Variants in SERPINA3 observed in about 807,000 individuals in gnomAD.
SERPINA3 encodes the protein alpha-1-antichymotrypsin.
SERPINA3 carries 32 observed loss-of-function variants against 26.8 expected under a neutral mutation model. The ratio of observed to expected loss-of-function variants is 1.20; its 90% CI spans 0.90 to 1.61. SERPINA3 has a LOEUF of 1.61. Ranked by LOEUF, SERPINA3 falls within the 40% of genes most tolerant of loss-of-function variation. The pLI is 0.00. For synonymous variants in SERPINA3, 252 were observed against 206.4 expected (o/e 1.22, Z -1.89); for missense variants, 632 against 517.9 (o/e 1.22, Z -2.14).
At chr14:94,622,557 G>T (rs80150124) in intron 4 of SERPINA3, 66 bp downstream of exon 4, 38,365 of 1,566,552 alleles carry the variant, frequency 0.024, 1,023 homozygotes, top group East Asian at 0.17. Flanking sequence ...AGGCCAGATG[G>T]ACTTTTGGGT....
At chr14:94,614,276 G>A (rs1885892371) in intron 1 of SERPINA3, 158 bp from the exon 2 acceptor site, 2 of 669,714 alleles carry the variant, frequency 3.0e-6, no homozygotes, top group South Asian at 3.4e-5. Context: ...GCAGAGTGAT[G>A]TGTGTCGGGT....
rs1555386065 is a variant in SERPINA3 at position 94,614,854 on chromosome 14, G to A, written c.413G>A (p.Gly138Glu). The A allele has an allele frequency of 2.5e-6, 4 of 1,614,190 alleles. No individual in the cohort carries two copies. The Admixed American group carries it at 5.0e-5, about 20-fold the overall frequency. Residue 138 changes from glycine to glutamate, a missense_variant, in exon 2 of 5, where the codon GGA (glycine) becomes GAA (glutamate). Physicochemically the swap from Gly to Glu is moderately conservative, Grantham distance 98. Coordinates refer to ENST00000393078, the MANE Select transcript of SERPINA3 (RefSeq NM_001085.5). The stretch of plus-strand genomic sequence containing the variant: ...AGCGATGAGCTGCAGCTGAGTATGG[G>A]AAATGCCATGTTTGTCAAAGAGCAA... The part of the protein sequence containing the change: ...QSSDELQLSM[G>E]NAMFVKEQLS...
intron 2 of SERPINA3, chr14:94,618,414 C>G (rs1006886124): frequency 6.6e-6 from 1 of 152,312 alleles, no homozygotes; most frequent in Non-Finnish European, 1.5e-5. Context: ...CCTAGGCAGC[C>G]TCAGAGTCAG....
chr14:94,620,930 C>A (rs749537177), intron 3 of SERPINA3, among the ~76,000 whole-genome samples: 4 of 152,174 alleles, frequency 2.6e-5, no homozygotes, highest in Non-Finnish European at 5.9e-5. Flanking sequence ...CAGGTCGCTG[C>A]TCTTCTCTGG....
At chr14:94,622,255 A>G in intron 3 of SERPINA3, 86 bp from the exon 4 acceptor site, 1 of 1,291,536 alleles carries the variant, frequency 7.7e-7, no homozygotes, top group Admixed American at 1.7e-5. Context: ...CTGTAGAGGA[A>G]ACCAGGGAAG....
At position 94,614,931 on chromosome 14, in the gene SERPINA3, G is replaced by A. The variant is rs754963974; in HGVS notation, c.490G>A (p.Glu164Lys). 39 of 1,613,466 alleles carry A rather than the reference G, an allele frequency of 2.4e-5. No homozygotes were observed. Among genetic ancestry groups the A allele is most frequent in the Middle Eastern group, 1.6e-4 (1 of 6,080 alleles). The change falls in exon 2 of 5, where the codon GAG becomes AAG. Residue 164 changes from glutamate (E) to lysine (K), a missense_variant. Physicochemically the swap from Glu to Lys is moderately conservative, Grantham distance 56 (BLOSUM62 1). Coordinates refer to ENST00000393078, the MANE Select transcript of SERPINA3 (RefSeq NM_001085.5). Reference protein sequence around the residue: ...TEDAKRLYGSEAFATDFQDSA... With the variant: ...TEDAKRLYGSKAFATDFQDSA... ...GGATGCCAAGAGGCTGTATGGCTCC[G>A]AGGCCTTTGCCACTGACTTTCAGGA...
chr14:94,613,168 C>T (rs1447998511), intron 1 of SERPINA3, among the ~76,000 whole-genome samples: 6 of 148,154 alleles, frequency 4.0e-5, no homozygotes, highest in Non-Finnish European at 5.9e-5. Context: ...TCCCCTCCTT[C>T]CCCTCCTTCC....
Position 94,614,948 on chromosome 14 carries a change from CT to C in SERPINA3, c.510del (p.Gln171ArgfsTer14), listed in dbSNP as rs775799567. On this transcript the variant is annotated frameshift_variant, in exon 2 of 5. Transcript: ENST00000393078. LOFTEE classifies it high-confidence loss of function. ...ATGGCTCCGAGGCCTTTGCCACTGACTTTCAGGACTCAGCTGCAGCTAAGAA... is the reference window on the plus strand; with the variant it reads ...ATGGCTCCGAGGCCTTTGCCACTGACTTCAGGACTCAGCTGCAGCTAAGAA... ...LYGSEAFATD[F>X]QDSAAAKKLI... 6.2e-7 allele frequency: 1 copy of C among 1,613,164 alleles called. No homozygotes were observed. Among genetic ancestry groups the C allele is most frequent in the Non-Finnish European group, 8.5e-7 (1 of 1,179,200 alleles).
chr14:94,620,047 A>G (rs1886144043), intron 3 of SERPINA3: 2 of 266,038 alleles, frequency 7.5e-6, no homozygotes, highest in South Asian at 2.9e-4. Context: ...GTGATATATT[A>G]GAAGGTGAGA....
chr14:94,619,416 G>A lies in SERPINA3; in HGVS notation c.865G>A (p.Ala289Thr). Residue 289 changes from alanine to threonine, a missense_variant, in exon 3 of 5, where the codon GCC becomes ACC. Ala to Thr is a moderately conservative substitution (Grantham distance 58, BLOSUM62 0). Transcript: ENST00000393078. ...TCAAGACAAGATGGAGGAAGTGGAA[G>A]CCATGCTGCTCCCAGAGACCCTGAA... is the stretch of plus-strand genomic sequence containing the variant. ...PDQDKMEEVE[A>T]MLLPETLKRW... 3.7e-6 allele frequency: 6 copies of A among 1,614,200 alleles called. No homozygotes were observed. The highest frequency in any genetic ancestry group is 5.1e-6 in the Non-Finnish European group (6 of 1,180,034).
At chr14:94,622,549 G>A in intron 4 of SERPINA3, 58 bp downstream of exon 4, 1 of 1,589,462 alleles carries the variant, frequency 6.3e-7, no homozygotes, top group Non-Finnish European at 8.6e-7. Flanking sequence ...ATTGGTGAAG[G>A]CCAGATGGAC....
At position 94,622,355 on chromosome 14, in the gene SERPINA3, T is replaced by A; in HGVS notation, c.932T>A (p.Leu311His). The A allele has an allele frequency of 6.2e-7, 1 of 1,613,956 alleles. No individual in the cohort carries two copies. The highest frequency in any genetic ancestry group is 8.5e-7 in the Non-Finnish European group (1 of 1,179,990). Residue 311 changes from leucine to histidine, a missense_variant, in exon 4 of 5, where the codon CTC (leucine) becomes CAC (histidine). Coordinates refer to ENST00000393078, the MANE Select transcript of SERPINA3 (RefSeq NM_001085.5). ...DSLEFREIGE[L>H]YLPKFSISRD... is the part of the protein sequence containing the mutation. The stretch of plus-strand genomic sequence containing the variant: ...TCGTTTTCTAGAGAGATAGGTGAGC[T>A]CTACCTGCCAAAGTTTTCCATCTCG...
At chr14:94,623,377 C>T (rs557443270) in intron 4 of SERPINA3, among the ~76,000 whole-genome samples, 1 of 152,292 alleles carries the variant, frequency 6.6e-6, no homozygotes, top group South Asian at 2.1e-4. Flanking sequence ...TTCTTTACCT[C>T]GATGGCTCTG....
In SERPINA3 at chr14:94,622,760, C is replaced by T. The variant is rs1483574520; in HGVS notation, c.1068+269C>T. On this transcript the variant is annotated intron_variant, in intron 4 of 4. Transcript: ENST00000393078. The stretch of plus-strand genomic sequence containing the variant: ...ACACCATTCCACACTATACCATTTA[C>T]TATCCATGGGGGCAAACAATTAAAG... 4 of 508,880 alleles carry T rather than the reference C, an allele frequency of 7.9e-6. No homozygotes were observed. In the Admixed American group the frequency reaches 1.3e-4, roughly 16 times the overall value. The allele number at this position is 508,880 out of a possible 1,614,324, so 31.5% of individuals were successfully genotyped here. A position where few individuals can be genotyped will look rare whatever the true frequency, so the allele number is the denominator to read the frequency against.
chr14:94,612,781 A>G (rs1885832331), intron 1 of SERPINA3, among the ~76,000 whole-genome samples: 1 of 152,174 alleles, frequency 6.6e-6, no homozygotes, highest in African/African-American at 2.4e-5. Flanking sequence ...TGCCTGGAGC[A>G]GGGTGCAGCT....
At position 94,614,780 on chromosome 14, in the gene SERPINA3, A is replaced by G. The variant is rs747046598; in HGVS notation, c.339A>G (p.Ala113=). The G allele has an allele frequency of 1.9e-6, 3 of 1,614,228 alleles. No homozygotes were observed. Among genetic ancestry groups the G allele is most frequent in the East Asian group, 2.2e-5 (1 of 44,882 alleles). The part of the protein sequence containing the change: ...LKFNLTETSE[A]EIHQSFQHLL... ...TCAACCTCACGGAGACTTCTGAGGC[A>G]GAAATTCACCAGAGCTTCCAGCACC... The change falls in exon 2 of 5, where the codon GCA becomes GCG. Residue 113 remains alanine (A), a synonymous_variant. Coordinates refer to ENST00000393078, the MANE Select transcript of SERPINA3 (RefSeq NM_001085.5).
In SERPINA3 at chr14:94,614,616, A is replaced by G. The variant is rs200348449; in HGVS notation, c.175A>G (p.Ser59Gly). 5 of 1,614,138 alleles carry G rather than the reference A, an allele frequency of 3.1e-6. No homozygotes were observed. In the African/African-American group the frequency reaches 6.7e-5, roughly 22 times the overall value. ...CTCCGCCAACGTGGACTTCGCTTTC[A>G]GCCTGTACAAGCAGTTAGTCCTGAA... ...LASANVDFAF[S>G]LYKQLVLKAP... The change falls in exon 2 of 5, where the codon AGC becomes GGC. Residue 59 changes from serine (S) to glycine (G), a missense_variant. Transcript: ENST00000393078.
intron 1 of SERPINA3, 130 bp from the exon 2 acceptor site, chr14:94,614,304 C>T (rs1885893906): frequency 2.3e-6 from 2 of 876,854 alleles, no homozygotes; most frequent in Non-Finnish European, 3.7e-6. Context: ...AGAGCACCTA[C>T]CTGAGGGAGG....
Position 94,618,947 on chromosome 14 carries a change from C to T in SERPINA3, c.644-248C>T, listed in dbSNP as rs184844262. 1,438 of 583,888 alleles carry T rather than the reference C, an allele frequency of 2.5e-3. 14 individuals are homozygous for T. The highest frequency in any genetic ancestry group is 0.024 in the African/African-American group (1,284 of 53,248). 36.2% of individuals were successfully genotyped at this position (583,888 alleles called of 1,614,324 possible). On this transcript the variant is annotated intron_variant, in intron 2 of 4. Coordinates refer to ENST00000393078, the MANE Select transcript of SERPINA3 (RefSeq NM_001085.5). ...TTCTTTCTCTCTTGCACTCCTTATT[C>T]CCTGGTTCCTATTGATTTCTCATTT...
Sources: gnomAD v4.1 joint callset for allele counts (sites outside exome capture counted in the v4.1 genomes callset) on GRCh38, gnomAD v4.1.1 for gene constraint, MANE v1.5 for transcripts, NCBI Gene and HGNC (gene_info 2026-07-23, HGNC 2026-07-21) for gene names.